Variants in LTBP1 observed in about 807,000 individuals in gnomAD.
LTBP1 encodes the protein latent transforming growth factor beta binding protein 1.
Under a neutral mutation model 207.6 loss-of-function variants are expected in LTBP1, and 129 were observed. The observed-to-expected ratio is 0.62, with a 90% confidence interval of 0.54 to 0.72. The LOEUF is 0.72. LTBP1 is among the 30% of genes least tolerant of loss of function. LTBP1 has a pLI of 0.00. For missense variants in LTBP1, 2,281 were observed against 2,217.2 expected (o/e 1.03, Z -0.58); for synonymous variants, 963 against 833.7 (o/e 1.16, Z -2.67).
At chr2:33,152,110 C>A (rs1388991851) in intron 5 of LTBP1, among the ~76,000 whole-genome samples, 1 of 152,124 alleles carries the variant, frequency 6.6e-6, no homozygotes, top group Non-Finnish European at 1.5e-5. Flanking sequence ...GCAAAAGGAA[C>A]AGTCAGCAGA....
chr2:33,197,526 G>A (rs1160412610), intron 7 of LTBP1, among the ~76,000 whole-genome samples: 1 of 152,158 alleles, frequency 6.6e-6, no homozygotes, highest in Non-Finnish European at 1.5e-5. Flanking sequence ...TGCATCATAG[G>A]AACATTGAAT....
intron 5 of LTBP1, among the ~76,000 whole-genome samples, chr2:33,150,750 G>C (rs75239055): frequency 1.0e-5 from 1 of 100,250 alleles, no homozygotes; most frequent in East Asian, 3.0e-4. Flanking sequence ...ACAGAGTCTC[G>C]CTCTGTTGCC....
At chr2:33,006,562 T>C (rs1305678641) in intron 2 of LTBP1, among the ~76,000 whole-genome samples, 1 of 151,748 alleles carries the variant, frequency 6.6e-6, no homozygotes, top group Non-Finnish European at 1.5e-5. Flanking sequence ...TTTTGTATTT[T>C]ATTAGAGACG....
chr2:33,303,120 G>A (rs1420274110), intron 22 of LTBP1, among the ~76,000 whole-genome samples: 1 of 152,094 alleles, frequency 6.6e-6, no homozygotes, highest in Non-Finnish European at 1.5e-5. Context: ...AATGATTCTA[G>A]ATAGTGACAT....
intron 7 of LTBP1, among the ~76,000 whole-genome samples, chr2:33,197,722 G>A (rs2088723041): frequency 1.3e-5 from 2 of 152,146 alleles, no homozygotes; most frequent in East Asian, 1.9e-4. Flanking sequence ...ATGCCAGATG[G>A]TATGAAAAGG....
intron 26 of LTBP1, among the ~76,000 whole-genome samples, chr2:33,352,748 A>G (rs1216267891): frequency 6.6e-6 from 1 of 152,160 alleles, no homozygotes; most frequent in Non-Finnish European, 1.5e-5. Context: ...ACTGCTTACC[A>G]CTGCTTTATA....
chr2:33,315,308 A>G (rs1213388945), intron 24 of LTBP1, 39 bp downstream of exon 24: 3 of 1,607,952 alleles, frequency 1.9e-6, no homozygotes, highest in African/African-American at 1.3e-5. Context: ...TTGTGTGATA[A>G]AAGAGAGAGG....
intron 2 of LTBP1, among the ~76,000 whole-genome samples, chr2:33,013,022 A>G (rs1331197259): frequency 1.3e-5 from 2 of 152,214 alleles, no homozygotes; most frequent in East Asian, 3.8e-4. Flanking sequence ...TGTTAATACC[A>G]TATTCTACTC....
chr2:33,104,877 A>G (rs1199227215), intron 3 of LTBP1, among the ~76,000 whole-genome samples: 1 of 152,144 alleles, frequency 6.6e-6, no homozygotes, highest in Admixed American at 6.5e-5. Context: ...GACATGACTC[A>G]GCACGCCTCA....
At position 33,289,290 on chromosome 2, in the gene LTBP1, T is replaced by C. The variant is rs1203396094; in HGVS notation, c.3113-3870T>C. Among the ~76,000 whole-genome samples the C allele has an allele frequency of 3.9e-5, 6 of 152,232 alleles. No individual in the cohort carries two copies. In the East Asian group the frequency reaches 1.2e-3, roughly 29 times the overall value. ...TGGGAGGTTTAATTAATTCATTGAGTGGCAAATGCCAAATTGTTATGTCTC... is the reference window on the plus strand; with the variant it reads ...TGGGAGGTTTAATTAATTCATTGAGCGGCAAATGCCAAATTGTTATGTCTC... On this transcript the variant is annotated intron_variant, in intron 19 of 33. Coordinates refer to ENST00000404816, the MANE Select transcript of LTBP1 (RefSeq NM_206943.4).
intron 26 of LTBP1, among the ~76,000 whole-genome samples, chr2:33,351,335 A>T (rs1261225579): frequency 6.6e-6 from 1 of 152,232 alleles, no homozygotes; most frequent in Non-Finnish European, 1.5e-5. Flanking sequence ...GAATTGGTCC[A>T]GGAACCCAAC....
chr2:33,174,978 C>T (rs1459211652), intron 5 of LTBP1, among the ~76,000 whole-genome samples: 159 of 152,120 alleles, frequency 1.0e-3, no homozygotes, highest in African/African-American at 1.2e-3. Flanking sequence ...AACTGGATCC[C>T]TTCCTTACAC....
intron 5 of LTBP1, among the ~76,000 whole-genome samples, chr2:33,139,173 A>T (rs2082428155): frequency 6.6e-6 from 1 of 152,070 alleles, no homozygotes; most frequent in Non-Finnish European, 1.5e-5. Flanking sequence ...GTATGTTCTC[A>T]TACATTATTT....
At chr2:33,176,523 C>A (rs776101839) in intron 5 of LTBP1, among the ~76,000 whole-genome samples, 8 of 149,674 alleles carry the variant, frequency 5.3e-5, no homozygotes, top group Non-Finnish European at 1.2e-4. Flanking sequence ...CCATGCCTGG[C>A]TGACAACATG....
At chr2:33,265,770 C>T (rs1162046251) in intron 15 of LTBP1, among the ~76,000 whole-genome samples, 1 of 151,832 alleles carries the variant, frequency 6.6e-6, no homozygotes, top group Non-Finnish European at 1.5e-5. Context: ...CTAAACTGAA[C>T]AGTTATTTTT....
At chr2:33,361,346 C>T (rs2094924975) in intron 27 of LTBP1, 83 bp from the exon 28 acceptor site, 1 of 840,052 alleles carries the variant, frequency 1.2e-6, no homozygotes, top group Non-Finnish European at 1.9e-6. Flanking sequence ...GTTACTGAGT[C>T]TGAGAAAGCA....
At chr2:33,296,456 G>C (rs1315781423) in intron 20 of LTBP1, among the ~76,000 whole-genome samples, 1 of 152,046 alleles carries the variant, frequency 6.6e-6, no homozygotes, top group Non-Finnish European at 1.5e-5. Flanking sequence ...CTGCTTACCT[G>C]ATGTGGCTCT....
chr2:32,958,159 G>A lies in LTBP1; in HGVS notation c.565+9214G>A, dbSNP rs184193229. The stretch of plus-strand genomic sequence containing the variant: ...TAATACTTTCTCACTGTGTAATCTC[G>A]GACAGTCAAGCTTGAGACCTGAAGC... On this transcript the variant is annotated intron_variant, in intron 2 of 33. Transcript: ENST00000404816. Among the ~76,000 whole-genome samples the A allele has an allele frequency of 2.0e-5, 3 of 152,100 alleles. No homozygotes were observed. The East Asian group carries it at 5.8e-4, about 29-fold the overall frequency.
chr2:33,277,120 C>G (rs952995960), intron 18 of LTBP1, among the ~76,000 whole-genome samples: 1 of 152,172 alleles, frequency 6.6e-6, no homozygotes, highest in Non-Finnish European at 1.5e-5. Flanking sequence ...TGGCTTCTGC[C>G]TGTTGGTTTT....
Sources: allele counts gnomAD v4.1 joint callset (sites outside exome capture counted in the v4.1 genomes callset), GRCh38; gene constraint gnomAD v4.1.1; transcripts MANE v1.5; gene names NCBI Gene and HGNC (gene_info 2026-07-23, HGNC 2026-07-21).